The following SRD5A1 variants were observed in gnomAD, a reference collection of about 807,000 sequenced individuals.
SRD5A1 encodes the protein steroid 5 alpha-reductase 1, also known as 3-oxo-5-alpha-steroid 4-dehydrogenase 1.
SRD5A1 carries 22 observed loss-of-function variants against 28.2 expected under a neutral mutation model. The observed-to-expected ratio is 0.78, with a 90% CI of 0.56 to 1.12. SRD5A1 has a LOEUF of 1.12. Ranked by LOEUF, SRD5A1 falls within the 50% of genes most tolerant of loss-of-function variation. The pLI is 0.00. For synonymous variants in SRD5A1, 151 were observed against 135.0 expected (o/e 1.12, Z -0.82); for missense variants, 300 against 346.7 (o/e 0.87, Z 1.07).
At chr5:6,650,444 C>G (rs1291395031) in intron 1 of SRD5A1, among the ~76,000 whole-genome samples, 2 of 151,168 alleles carry the variant, frequency 1.3e-5, no homozygotes, top group African/African-American at 4.9e-5. Context: ...TTATTATCCT[C>G]TTAAGGTCTG....
At chr5:6,667,053 C>G (rs1739205762) in intron 4 of SRD5A1, among the ~76,000 whole-genome samples, 1 of 152,218 alleles carries the variant, frequency 6.6e-6, no homozygotes, top group Admixed American at 6.5e-5. Context: ...GGCCTGGATC[C>G]CAGCAGGCCT....
intron 4 of SRD5A1, 81 bp downstream of exon 4, chr5:6,663,047 TG>T: frequency 6.5e-7 from 1 of 1,538,404 alleles, no homozygotes. Flanking sequence ...ATTTTTGAAG[TG>T]TTAATTTAAA....
intron 1 of SRD5A1, among the ~76,000 whole-genome samples, chr5:6,651,513 T>C (rs1309632205): frequency 6.6e-6 from 1 of 151,796 alleles, no homozygotes; most frequent in African/African-American, 2.4e-5. Flanking sequence ...ATAATAATAA[T>C]AATAAGTGTG....
At chr5:6,657,167 A>G (rs1220140956) in intron 3 of SRD5A1, among the ~76,000 whole-genome samples, 2 of 152,266 alleles carry the variant, frequency 1.3e-5, no homozygotes, top group African/African-American at 2.4e-5. Flanking sequence ...AATAGCAACA[A>G]AAACAAACAA....
chr5:6,667,067 A>T (rs1005009120), intron 4 of SRD5A1, among the ~76,000 whole-genome samples: 1 of 152,218 alleles, frequency 6.6e-6, no homozygotes, highest in Non-Finnish European at 1.5e-5. Context: ...CAGGCCTGTG[A>T]ACACCTTCAG....
At chr5:6,659,270 C>G (rs754707164) in intron 3 of SRD5A1, among the ~76,000 whole-genome samples, 1 of 151,972 alleles carries the variant, frequency 6.6e-6, no homozygotes, top group Non-Finnish European at 1.5e-5. Flanking sequence ...CCCGCCACCA[C>G]GCCTGGCTAA....
intron 1 of SRD5A1, among the ~76,000 whole-genome samples, chr5:6,645,835 T>A (rs1738492896): frequency 6.6e-6 from 1 of 152,076 alleles, no homozygotes; most frequent in Non-Finnish European, 1.5e-5. Context: ...TTTCACAATC[T>A]ATTTTTTTTT....
Position 6,633,856 on chromosome 5 carries a change from C to T in SRD5A1, c.280C>T (p.His94Tyr). The stretch of plus-strand genomic sequence containing the variant: ...CATCCTCCTGGCCATGTTCCTCGTC[C>T]ACTACGGGCATCGGTAACGTCCCCG... ...NCILLAMFLVHYGHRCLIYPF... is the reference protein window; with the variant it reads ...NCILLAMFLVYYGHRCLIYPF... Residue 94 changes from histidine to tyrosine, a missense_variant, in exon 1 of 5, where the codon CAC becomes TAC. Physicochemically the swap from His to Tyr is moderately conservative, Grantham distance 83. This residue lies in a region of SRD5A1 where 174 missense variants were observed against 160.9 expected (regional missense o/e 1.08). Coordinates refer to ENST00000274192, the MANE Select transcript of SRD5A1 (RefSeq NM_001047.4). 6 of 1,597,142 alleles carry T rather than the reference C, an allele frequency of 3.8e-6. No individual in the cohort carries two copies. The highest frequency in any genetic ancestry group is 5.1e-6 in the Non-Finnish European group (6 of 1,179,392).
chr5:6,643,024 G>A (rs1390471529), intron 1 of SRD5A1, among the ~76,000 whole-genome samples: 1 of 125,762 alleles, frequency 8.0e-6, no homozygotes, highest in Non-Finnish European at 1.7e-5. Flanking sequence ...AAGTTTGTAA[G>A]TTTGTAATTT....
At chr5:6,657,369 A>C (rs1561002151) in intron 3 of SRD5A1, among the ~76,000 whole-genome samples, 1 of 152,222 alleles carries the variant, frequency 6.6e-6, no homozygotes, top group Non-Finnish European at 1.5e-5. Flanking sequence ...TGTTGGGCTT[A>C]TGAGCAAACT....
chr5:6,660,756 T>G (rs7704431), intron 3 of SRD5A1, among the ~76,000 whole-genome samples: 3,365 of 152,310 alleles, frequency 0.022, 51 homozygotes, highest in Non-Finnish European at 0.027. Context: ...TATTAGTCTG[T>G]TTTCACTCTG....
At chr5:6,649,953 T>C (rs2126536437) in intron 1 of SRD5A1, among the ~76,000 whole-genome samples, 1 of 152,194 alleles carries the variant, frequency 6.6e-6, no homozygotes, top group Non-Finnish European at 1.5e-5. Context: ...AAAGGGAAAG[T>C]TAATCTTTGT....
chr5:6,636,931 G>A (rs140856395), intron 1 of SRD5A1, among the ~76,000 whole-genome samples: 1 of 152,082 alleles, frequency 6.6e-6, no homozygotes, highest in Non-Finnish European at 1.5e-5. Context: ...GGGCTGGGGT[G>A]GGGGGATAGC....
chr5:6,655,830 G>A (rs1195441353), intron 2 of SRD5A1, among the ~76,000 whole-genome samples: 2 of 152,208 alleles, frequency 1.3e-5, no homozygotes, highest in African/African-American at 4.8e-5. Flanking sequence ...TGAAGATGTA[G>A]ATTGTGATGA....
intron 2 of SRD5A1, among the ~76,000 whole-genome samples, chr5:6,652,547 C>T (rs552094117): frequency 6.6e-6 from 1 of 151,972 alleles, no homozygotes; most frequent in South Asian, 2.1e-4. Flanking sequence ...GAAAATAAAA[C>T]AGCCATCAAA....
In SRD5A1 at chr5:6,670,151, G is replaced by A. The variant is rs1739317239; in HGVS notation, c.*1883G>A. 6.6e-6 allele frequency: 1 copy of A among 152,274 alleles called. No homozygotes were observed. The highest frequency in any genetic ancestry group is 2.4e-5 in the African/African-American group (1 of 41,426). 9.4% of individuals were successfully genotyped at this position (152,274 alleles called of 1,614,324 possible). The stretch of plus-strand genomic sequence containing the variant: ...GGAAGAGAAGGTAGGCTGAGGAGGT[G>A]GCCTTTCCTAACACAAAAATTAACT... On this transcript the variant is annotated 3_prime_UTR_variant, in exon 5 of 5. Transcript: ENST00000274192.
At chr5:6,667,594 A>G (rs1225611512) in intron 4 of SRD5A1, among the ~76,000 whole-genome samples, 1 of 152,230 alleles carries the variant, frequency 6.6e-6, no homozygotes, top group African/African-American at 2.4e-5. Context: ...ACTGGCTATT[A>G]TCCCCAAAAC....
At chr5:6,664,706 T>G (rs1421835119) in intron 4 of SRD5A1, among the ~76,000 whole-genome samples, 1 of 152,370 alleles carries the variant, frequency 6.6e-6, no homozygotes, top group Non-Finnish European at 1.5e-5. Context: ...GTGGCTGGCC[T>G]CTTTGTCTAA....
At chr5:6,656,367 G>A (rs746249921) in intron 3 of SRD5A1, among the ~76,000 whole-genome samples, 188 bp downstream of exon 3, 2 of 152,152 alleles carry the variant, frequency 1.3e-5, no homozygotes, top group Non-Finnish European at 2.9e-5. Flanking sequence ...CCCAAATCTA[G>A]CTAACTGAAC....
Sources: allele counts gnomAD v4.1 joint callset (sites outside exome capture counted in the v4.1 genomes callset), GRCh38; gene constraint gnomAD v4.1.1; regional missense constraint gnomAD v4.1.1; transcripts MANE v1.5; gene names NCBI Gene and HGNC (gene_info 2026-07-23, HGNC 2026-07-21).